Variants in TBC1D22A observed in about 807,000 individuals in gnomAD.
The protein encoded by TBC1D22A is TBC1 domain family member 22A.
TBC1D22A carries 38 observed loss-of-function variants against 60.2 expected under a neutral mutation model. The ratio of observed to expected loss-of-function variants is 0.63; its 90% confidence interval spans 0.49 to 0.83. TBC1D22A has a LOEUF of 0.83. TBC1D22A is among the 40% of genes least tolerant of loss of function. The pLI is 0.00. For missense variants in TBC1D22A, 628 were observed against 701.0 expected, an observed-to-expected ratio of 0.90 and a Z score of 1.18; for synonymous variants, 302 against 281.7, an observed-to-expected ratio of 1.07 and a Z score of -0.72.
intron 4 of TBC1D22A, among the ~76,000 whole-genome samples, chr22:46,838,041 T>C (rs1460503885): frequency 1.3e-5 from 2 of 152,038 alleles, no homozygotes; most frequent in Non-Finnish European, 1.5e-5. Context: ...GCCTGGGAGA[T>C]AGAGTGAGAC....
chr22:47,011,594 C>T (rs2061754706), intron 10 of TBC1D22A, among the ~76,000 whole-genome samples: 1 of 152,230 alleles, frequency 6.6e-6, no homozygotes, highest in African/African-American at 2.4e-5. Flanking sequence ...CACGTTAGGG[C>T]TCCAGCAGCC....
At chr22:47,074,005 C>G (rs1424128901) in intron 11 of TBC1D22A, among the ~76,000 whole-genome samples, 1 of 152,162 alleles carries the variant, frequency 6.6e-6, no homozygotes, top group Non-Finnish European at 1.5e-5. Flanking sequence ...CCTCTGGTCT[C>G]AGCTACTCGG....
intron 5 of TBC1D22A, among the ~76,000 whole-genome samples, chr22:46,890,744 T>A (rs1057374206): frequency 1.3e-5 from 2 of 152,192 alleles, no homozygotes; most frequent in Non-Finnish European, 1.5e-5. Context: ...GCAGCTGCCA[T>A]GGGCCCATGA....
At chr22:46,822,727 G>T (rs1225447107) in intron 4 of TBC1D22A, among the ~76,000 whole-genome samples, 1 of 152,188 alleles carries the variant, frequency 6.6e-6, no homozygotes, top group African/African-American at 2.4e-5. Flanking sequence ...CAGTTGGGTG[G>T]CATGGGGAGC....
chr22:46,827,036 T>A (rs1299515812), intron 4 of TBC1D22A, among the ~76,000 whole-genome samples: 2 of 152,096 alleles, frequency 1.3e-5, no homozygotes, highest in Non-Finnish European at 2.9e-5. Flanking sequence ...CTTTCCTCTA[T>A]CCTGTTGTAG....
intron 8 of TBC1D22A, among the ~76,000 whole-genome samples, chr22:46,917,848 T>C (rs767305860): frequency 7.2e-5 from 11 of 152,120 alleles, no homozygotes; most frequent in Non-Finnish European, 1.3e-4. Context: ...AATGGGGCTG[T>C]CCCACAGGGA....
intron 10 of TBC1D22A, among the ~76,000 whole-genome samples, chr22:47,012,139 G>T (rs2061770947): frequency 6.6e-6 from 1 of 152,010 alleles, no homozygotes. Context: ...TTTCCTCTTT[G>T]GAAGAGCCTT....
chr22:47,038,518 T>C (rs560757820), intron 11 of TBC1D22A, among the ~76,000 whole-genome samples: 1 of 152,350 alleles, frequency 6.6e-6, no homozygotes, highest in Non-Finnish European at 1.5e-5. Flanking sequence ...GGCCTCAGGC[T>C]GCGTGCGTTC....
chr22:47,089,504 C>T lies in TBC1D22A; in HGVS notation c.1330-22004C>T, dbSNP rs550913487. ...TTTTACACATCACACCACACGTAGA[C>T]GTACACACAGTCCATGCACACAGAC... On this transcript the variant is annotated intron_variant, in intron 11 of 12. Coordinates refer to ENST00000337137, the MANE Select transcript of TBC1D22A (RefSeq NM_014346.5). Among the ~76,000 whole-genome samples, 29 of 152,350 alleles carry T rather than the reference C, an allele frequency of 1.9e-4. No homozygotes were observed. In the East Asian group the frequency reaches 4.8e-3, roughly 25 times the overall value.
chr22:46,876,758 A>G (rs1418681843), intron 4 of TBC1D22A, among the ~76,000 whole-genome samples: 2 of 152,216 alleles, frequency 1.3e-5, no homozygotes, highest in African/African-American at 2.4e-5. Flanking sequence ...CGGGGCTCCA[A>G]CTAGGCCCAC....
intron 4 of TBC1D22A, among the ~76,000 whole-genome samples, chr22:46,798,597 C>T (rs533227966): frequency 2.0e-5 from 3 of 152,384 alleles, no homozygotes; most frequent in South Asian, 2.1e-4. Flanking sequence ...TTCCCTATCT[C>T]ATCTTTGTGG....
chr22:46,766,390 A>G (rs1340808627), intron 1 of TBC1D22A, among the ~76,000 whole-genome samples: 1 of 151,868 alleles, frequency 6.6e-6, no homozygotes, highest in African/African-American at 2.4e-5. Flanking sequence ...CAGCCTCCCA[A>G]AGTTCTGGGA....
At chr22:47,063,721 G>A (rs2063661756) in intron 11 of TBC1D22A, among the ~76,000 whole-genome samples, 1 of 152,182 alleles carries the variant, frequency 6.6e-6, no homozygotes, top group Non-Finnish European at 1.5e-5. Flanking sequence ...GAATTGGGGT[G>A]TGGGCAGGGC....
intron 11 of TBC1D22A, among the ~76,000 whole-genome samples, chr22:47,046,810 C>T (rs911483413): frequency 3.3e-5 from 5 of 152,172 alleles, no homozygotes; most frequent in African/African-American, 1.2e-4. Context: ...TATCCCAGAG[C>T]CCTGGATCCC....
chr22:46,904,142 T>TCTGTCTATCTATCTGCCTACCTAC (rs369598619), intron 7 of TBC1D22A, among the ~76,000 whole-genome samples: 1 of 134,500 alleles, frequency 7.4e-6, no homozygotes, highest in Non-Finnish European at 1.6e-5. Flanking sequence ...TATCTATCTA[T>TCTGTCTATCTATCTGCCTACCTAC]CTACCTACCT....
intron 11 of TBC1D22A, among the ~76,000 whole-genome samples, chr22:47,090,912 G>A (rs1196576642): frequency 3.8e-5 from 5 of 133,112 alleles, no homozygotes; most frequent in African/African-American, 5.9e-5. Context: ...GTCGTCTTTG[G>A]GGGGGTGTGG....
intron 11 of TBC1D22A, among the ~76,000 whole-genome samples, chr22:47,075,919 G>A (rs1474358427): frequency 6.6e-6 from 1 of 152,070 alleles, no homozygotes; most frequent in Non-Finnish European, 1.5e-5. Context: ...AGACAAAATT[G>A]ATTTTAAGCC....
chr22:46,788,571 A>G (rs2146859678), intron 1 of TBC1D22A, among the ~76,000 whole-genome samples: 2 of 152,056 alleles, frequency 1.3e-5, no homozygotes, highest in Middle Eastern at 6.8e-3. Context: ...CACCAGCCCC[A>G]CTGGGACCCG....
chr22:46,943,662 C>T (rs1243880807), intron 8 of TBC1D22A, among the ~76,000 whole-genome samples: 1 of 152,198 alleles, frequency 6.6e-6, no homozygotes, highest in South Asian at 2.1e-4. Context: ...ACTCTTGTTC[C>T]AAGACATTTC....
Sources: allele counts gnomAD v4.1 joint callset (sites outside exome capture counted in the v4.1 genomes callset), GRCh38; gene constraint gnomAD v4.1.1; transcripts MANE v1.5; gene names NCBI Gene and HGNC (gene_info 2026-07-23, HGNC 2026-07-21).